Variants in LCOR observed in about 807,000 individuals in gnomAD.
LCOR encodes ligand-dependent corepressor.
A neutral mutation model predicts 64.4 loss-of-function variants in LCOR; 14 were observed. The observed-to-expected ratio is 0.22, with a 90% CI of 0.14 to 0.34. The LOEUF (loss-of-function observed/expected upper bound fraction) is 0.34. Among genes scored for constraint, LCOR ranks in the 10% least tolerant of loss-of-function variants. The probability of loss-of-function intolerance (pLI) is 1.00; values close to 1 mark genes in which losing one functional copy is unlikely to be tolerated. For synonymous variants in LCOR, 643 were observed against 642.5 expected (o/e 1.00, Z -0.01); for missense variants, 1,686 against 1,765.3 (o/e 0.96, Z 0.80).
chr10:96,900,372 C>A (rs1846612726), intron 2 of LCOR, among the ~76,000 whole-genome samples: 2 of 149,572 alleles, frequency 1.3e-5, no homozygotes, highest in East Asian at 2.0e-4. Context: ...AAAAAGAAAC[C>A]TGAAAATAAG....
intron 2 of LCOR, among the ~76,000 whole-genome samples, chr10:96,857,244 G>T (rs565532996): frequency 6.6e-5 from 10 of 152,232 alleles, no homozygotes; most frequent in African/African-American, 2.2e-4. Context: ...GTAAGTAGAA[G>T]AGTTTAATTA....
intron 2 of LCOR, among the ~76,000 whole-genome samples, chr10:96,886,949 A>G (rs1181663404): frequency 6.6e-6 from 1 of 152,250 alleles, no homozygotes; most frequent in East Asian, 1.9e-4. Context: ...TTTAATAAAT[A>G]GAGCAAGAAA....
intron 1 of LCOR, chr10:96,832,864 C>G (rs1448942393): frequency 2.2e-6 from 1 of 449,238 alleles, no homozygotes; most frequent in East Asian, 1.6e-4. Context: ...CCGTCCTCCT[C>G]CTGCGCCACC....
At position 96,990,546 on chromosome 10, in the gene LCOR, C is replaced by T. The variant is rs1848191104; in HGVS notation, c.*5412C>T. On this transcript the variant is annotated 3_prime_UTR_variant, in exon 8 of 8. Transcript: ENST00000421806. ...GGATGGATTGGAAGACTTGAGGATC[C>T]AGTCTCTTTCCTTTATAGATAATTA... 6.6e-6 allele frequency: 1 copy of T among 152,192 alleles called. No homozygotes were observed. Among genetic ancestry groups the T allele is most frequent in the Admixed American group, 6.5e-5 (1 of 15,272 alleles). 9.4% of individuals were successfully genotyped at this position (152,192 alleles called of 1,614,324 possible). A position where few individuals can be genotyped will look rare whatever the true frequency, so the allele number is the denominator to read the frequency against.
rs1429929516 is a variant in LCOR at position 96,995,054 on chromosome 10, C to T, written c.*9920C>T. On this transcript the variant is annotated 3_prime_UTR_variant, in exon 8 of 8. Transcript: ENST00000421806. The surrounding 1 kb of genome is among the most constrained non-coding windows in gnomAD (Gnocchi z 4.2). ...AGGCCCATGCAATTTAACTGAAGCT[C>T]AGGTGCCACGTTGGATTTTTATTCT... is the stretch of plus-strand genomic sequence containing the variant. 6.6e-6 allele frequency: 1 copy of T among 152,262 alleles called. No homozygotes were observed. The highest frequency in any genetic ancestry group is 2.4e-5 in the African/African-American group (1 of 41,460). 9.4% of individuals were successfully genotyped at this position (152,262 alleles called of 1,614,324 possible). A position where few individuals can be genotyped will look rare whatever the true frequency, so the allele number is the denominator to read the frequency against.
intron 7 of LCOR, among the ~76,000 whole-genome samples, chr10:96,970,811 G>T (rs1163649553): frequency 6.6e-6 from 1 of 151,728 alleles, no homozygotes; most frequent in African/African-American, 2.4e-5. Flanking sequence ...TAGAGACGGG[G>T]TTTTGCCATG....
At chr10:96,857,780 C>CT (rs1442531877) in intron 2 of LCOR, among the ~76,000 whole-genome samples, 1 of 152,196 alleles carries the variant, frequency 6.6e-6, no homozygotes, top group East Asian at 1.9e-4. Context: ...CTTGGACACA[C>CT]TGAAGTTTGG....
intron 4 of LCOR, among the ~76,000 whole-genome samples, chr10:96,943,497 C>T (rs534412232): frequency 6.6e-6 from 1 of 152,272 alleles, no homozygotes; most frequent in East Asian, 1.9e-4. Flanking sequence ...TTCTATTTTT[C>T]AGTTCATTTT....
At chr10:96,911,377 G>A (rs979408256) in intron 4 of LCOR, among the ~76,000 whole-genome samples, 3 of 152,048 alleles carry the variant, frequency 2.0e-5, no homozygotes, top group Non-Finnish European at 2.9e-5. Flanking sequence ...GGATTACAGC[G>A]TGAGCCACCA....
At chr10:96,911,699 TCTGTGAGTGACTGACTGA>T (rs952114798) in intron 4 of LCOR, among the ~76,000 whole-genome samples, 1 of 152,176 alleles carries the variant, frequency 6.6e-6, no homozygotes, top group Non-Finnish European at 1.5e-5. Flanking sequence ...ATGTTAGGAA[TCTGTGAGTGACTGACTGA>T]CTGACTGCCT....
Position 96,991,066 on chromosome 10 carries a change from T to G in LCOR, c.*5932T>G, listed in dbSNP as rs1440474059. 7.0e-6 allele frequency: 1 copy of G among 143,514 alleles called. No individual in the cohort carries two copies. Among genetic ancestry groups the G allele is most frequent in the African/African-American group, 2.6e-5 (1 of 38,896 alleles). The allele number at this position is 143,514 out of a possible 1,614,324, so 8.9% of individuals were successfully genotyped here. A position where few individuals can be genotyped will look rare whatever the true frequency, so the allele number is the denominator to read the frequency against. On this transcript the variant is annotated 3_prime_UTR_variant, in exon 8 of 8. Coordinates refer to ENST00000421806, the MANE Select transcript of LCOR (RefSeq NM_001346516.2). ...AAAAAGCAACTATATGTGGCCCGCA[T>G]AGCCTGAAATATTTACTTCCTGACC...
intron 7 of LCOR, chr10:96,956,723 A>G: frequency 9.1e-6 from 9 of 984,414 alleles, no homozygotes; most frequent in Non-Finnish European, 1.1e-5. Context: ...GCCTTATCTC[A>G]TGGAGGACGA....
chr10:96,949,288 C>T lies in LCOR; in HGVS notation c.231C>T (p.Ser77=), dbSNP rs774863095. The part of the protein sequence containing the change: ...LTVRKSQSEP[S]EQDGVLDLST... ...TCAGAAAGTCTCAGTCAGAACCTAG[C>T]GAACAAGGTATGGTTTGATGTCAAG... The change falls in exon 6 of 8, where the codon AGC becomes AGT. Residue 77 remains serine (S), a synonymous_variant. Coordinates refer to ENST00000421806, the MANE Select transcript of LCOR (RefSeq NM_001346516.2). 24 of 1,613,560 alleles carry T rather than the reference C, an allele frequency of 1.5e-5. No homozygotes were observed. The highest frequency in any genetic ancestry group is 6.6e-5 in the South Asian group (6 of 91,056).
intron 2 of LCOR, among the ~76,000 whole-genome samples, chr10:96,884,613 G>C (rs7076238): frequency 6.6e-6 from 1 of 152,166 alleles, no homozygotes; most frequent in Non-Finnish European, 1.5e-5. Flanking sequence ...TAAGATTCTT[G>C]AATACCATTT....
At chr10:96,975,894 A>G (rs1184283743) in intron 7 of LCOR, among the ~76,000 whole-genome samples, 5 of 152,072 alleles carry the variant, frequency 3.3e-5, no homozygotes, top group Non-Finnish European at 7.4e-5. Flanking sequence ...GGGCGCCTGT[A>G]ATCCCAGCTA....
intron 2 of LCOR, among the ~76,000 whole-genome samples, chr10:96,845,901 A>G (rs1845621375): frequency 6.6e-6 from 1 of 152,024 alleles, no homozygotes; most frequent in Non-Finnish European, 1.5e-5. Flanking sequence ...TAGAGCTAAT[A>G]TGTCTTTTAA....
chr10:96,923,137 A>G (rs1847110402), intron 4 of LCOR, among the ~76,000 whole-genome samples: 1 of 152,230 alleles, frequency 6.6e-6, no homozygotes, highest in Admixed American at 6.5e-5. Context: ...ATTTAAAGTA[A>G]TAAGATGTAG....
chr10:96,935,398 C>G (rs1352154174), intron 4 of LCOR, among the ~76,000 whole-genome samples: 1 of 152,054 alleles, frequency 6.6e-6, no homozygotes, highest in Non-Finnish European at 1.5e-5. Flanking sequence ...ATCAGCCTGC[C>G]TTGGCCTCCC....
intron 7 of LCOR, chr10:96,964,294 G>A (rs1847926343): frequency 6.8e-6 from 1 of 147,318 alleles, no homozygotes; most frequent in African/African-American, 2.5e-5. Flanking sequence ...TCGTGCATGT[G>A]TAAGATTTAA....
Sources: gnomAD v4.1 joint callset for allele counts (sites outside exome capture counted in the v4.1 genomes callset) on GRCh38, gnomAD v4.1.1 for gene constraint, Gnocchi (gnomAD v3.1) non-coding constraint, MANE v1.5 for transcripts, NCBI Gene and HGNC (gene_info 2026-07-23, HGNC 2026-07-21) for gene names.